ECPAS: variants seen among roughly 807,000 people sequenced by gnomAD.
ECPAS encodes Ecm29 proteasome adaptor and scaffold.
Under a neutral mutation model 255.1 loss-of-function variants are expected in ECPAS, and 70 were observed. That is an observed-to-expected ratio of 0.27 (90% CI 0.23 to 0.33). ECPAS has a LOEUF of 0.33. Among genes scored for constraint, ECPAS ranks in the 10% least tolerant of loss-of-function variants. ECPAS has a pLI of 1.00. For missense variants in ECPAS, 1,817 were observed against 2,206.4 expected (o/e 0.82, Z 3.54); for synonymous variants, 784 against 775.0 (o/e 1.01, Z -0.19).
At chr9:111,484,021 A>C (rs2098311404) in intron 1 of ECPAS, 95 bp downstream of exon 1, 1 of 1,035,172 alleles carries the variant, frequency 9.7e-7, no homozygotes, top group South Asian at 4.4e-5. Flanking sequence ...CCCCGCGCGG[A>C]CTCGACACGC....
intron 20 of ECPAS, among the ~76,000 whole-genome samples, chr9:111,413,518 C>T (rs184072429): frequency 1.3e-5 from 2 of 151,588 alleles, no homozygotes; most frequent in African/African-American, 4.8e-5. Flanking sequence ...ATATGTTTGT[C>T]AGAGGGGAGA....
chr9:111,371,537 T>G, intron 43 of ECPAS, 84 bp downstream of exon 43: 1 of 1,255,530 alleles, frequency 8.0e-7, no homozygotes, highest in African/African-American at 1.5e-5. Context: ...ATTGGAAAAG[T>G]TACACAAAAC....
In ECPAS at chr9:111,393,682, T is replaced by G. The variant is rs1171158175; in HGVS notation, c.2975A>C (p.Asp992Ala). 1 of 1,559,058 alleles carries G rather than the reference T, an allele frequency of 6.4e-7. No individual in the cohort carries two copies. The highest frequency in any genetic ancestry group is 2.2e-5 in the East Asian group (1 of 44,564). ...SAFVSVLSEN[D>A]ELSQDVASKG... ...GAAATCAAATATTAACAACCTACCA[T>G]CATTTTCTGATAGAACTGAAACAAA... is the stretch of plus-strand genomic sequence containing the variant. The change falls in exon 27 of 50, where the codon GAT becomes GCT. Residue 992 changes from aspartate to alanine, a missense_variant and splice_region_variant. Around this residue, in one of 4 missense-constraint regions of ECPAS, gnomAD observed 960 missense variants for 1,179.0 expected, o/e 0.81. Transcript: ENST00000684092.
chr9:111,418,469 A>G (rs1346972873), intron 16 of ECPAS, among the ~76,000 whole-genome samples: 1 of 152,162 alleles, frequency 6.6e-6, no homozygotes, highest in African/African-American at 2.4e-5. Context: ...TATAAACCCA[A>G]CCAATTTCAG....
At chr9:111,373,266 T>C in intron 40 of ECPAS, 30 bp from the exon 41 acceptor site, 2 of 1,613,622 alleles carry the variant, frequency 1.2e-6, no homozygotes, top group African/African-American at 1.3e-5. Flanking sequence ...AAGTATTTCT[T>C]TATAACTGTC....
intron 38 of ECPAS, 76 bp from the exon 39 acceptor site, chr9:111,374,114 C>A: frequency 8.8e-7 from 1 of 1,135,198 alleles, no homozygotes; most frequent in Non-Finnish European, 1.3e-6. Flanking sequence ...GCTTAGGTGC[C>A]AAAAATTTAA....
At chr9:111,400,404 G>GA (rs1186369040) in intron 24 of ECPAS, among the ~76,000 whole-genome samples, 3 of 152,120 alleles carry the variant, frequency 2.0e-5, no homozygotes, top group African/African-American at 4.8e-5. Flanking sequence ...AAACATGTTC[G>GA]AAAAAACATT....
At chr9:111,429,942 T>TTAGTAAGGC (rs71302620) in intron 9 of ECPAS, among the ~76,000 whole-genome samples, 29 of 152,220 alleles carry the variant, frequency 1.9e-4, no homozygotes, top group Non-Finnish European at 2.6e-4. Context: ...AGAACTCACG[T>TTAGTAAGGC]TAGTAAGGCA....
At chr9:111,412,731 T>C (rs1283616192) in intron 20 of ECPAS, among the ~76,000 whole-genome samples, 2 of 152,198 alleles carry the variant, frequency 1.3e-5, no homozygotes, top group Non-Finnish European at 2.9e-5. Flanking sequence ...TCAGTCAATA[T>C]TCATAAGAAA....
chr9:111,458,482 A>G (rs2098269521), intron 2 of ECPAS, among the ~76,000 whole-genome samples: 1 of 152,180 alleles, frequency 6.6e-6, no homozygotes, highest in Non-Finnish European at 1.5e-5. Context: ...ATCACATTTG[A>G]TAACTTACAC....
At chr9:111,413,862 T>C (rs1327401016) in intron 20 of ECPAS, 33 bp downstream of exon 20, 2 of 1,319,594 alleles carry the variant, frequency 1.5e-6, no homozygotes, top group Admixed American at 4.7e-5. Flanking sequence ...TGAAATAGAA[T>C]TTTTTTTAAA....
At chr9:111,450,658 T>C (rs1198608245) in intron 3 of ECPAS, among the ~76,000 whole-genome samples, 2 of 152,212 alleles carry the variant, frequency 1.3e-5, no homozygotes, top group African/African-American at 4.8e-5. Flanking sequence ...CCAGGCACAG[T>C]GGCTCATGCC....
Position 111,472,947 on chromosome 9 carries a change from G to A in ECPAS, c.-29C>T, listed in dbSNP as rs1060932. On this transcript the variant is annotated 5_prime_UTR_variant, in exon 2 of 50. Coordinates refer to ENST00000684092, the MANE Select transcript of ECPAS (RefSeq NM_001364929.1). Reference sequence around the variant, plus strand: ...TTATCCAATCTTGACAAAAATCCTCGGGATCACCAATGGTACGTTCATCCA... The same window carrying A: ...TTATCCAATCTTGACAAAAATCCTCAGGATCACCAATGGTACGTTCATCCA... The A allele has an allele frequency of 1.2e-4, 150 of 1,241,872 alleles. No individual in the cohort carries two copies. Among genetic ancestry groups the A allele is most frequent in the Middle Eastern group, 6.7e-4 (3 of 4,504 alleles). 76.9% of individuals were successfully genotyped at this position (1,241,872 alleles called of 1,614,324 possible). A position where few individuals can be genotyped will look rare whatever the true frequency, so the allele number is the denominator to read the frequency against.
intron 6 of ECPAS, among the ~76,000 whole-genome samples, chr9:111,437,831 A>T (rs1212405426): frequency 6.6e-6 from 1 of 152,160 alleles, no homozygotes; most frequent in African/African-American, 2.4e-5. Context: ...TGATCCAATT[A>T]AACTGGTATT....
intron 24 of ECPAS, among the ~76,000 whole-genome samples, chr9:111,402,325 C>T (rs985694631): frequency 1.3e-5 from 2 of 152,094 alleles, no homozygotes; most frequent in African/African-American, 4.8e-5. Flanking sequence ...TTCACTACCA[C>T]CAGATGTGTC....
At chr9:111,374,988 T>C (rs1212075804) in intron 38 of ECPAS, 125 bp downstream of exon 38, 1 of 686,940 alleles carries the variant, frequency 1.5e-6, no homozygotes, top group African/African-American at 1.8e-5. Context: ...ACCACAGAAA[T>C]AAAATGGTTA....
chr9:111,430,556 C>T lies in ECPAS; in HGVS notation c.921G>A (p.Lys307=), dbSNP rs1208515117. ...AATCAAAACAACCTACCTCTTTTGT[C>T]TTCAGTGGTATATCTCCAAGGTACA... is the stretch of plus-strand genomic sequence containing the variant. ...YKVYLGDIPL[K]TKEGAVLKPE... The change falls in exon 9 of 50, where the codon AAG becomes AAA. Residue 307 remains lysine (K), a synonymous_variant. Transcript: ENST00000684092. The T allele has an allele frequency of 6.3e-7, 1 of 1,588,628 alleles. No homozygotes were observed. Among genetic ancestry groups the T allele is most frequent in the African/African-American group, 1.3e-5 (1 of 74,628 alleles).
At chr9:111,416,703 C>T (rs1284444935) in intron 17 of ECPAS, among the ~76,000 whole-genome samples, 1 of 152,166 alleles carries the variant, frequency 6.6e-6, no homozygotes, top group Non-Finnish European at 1.5e-5. Context: ...CACAAATAGA[C>T]TGTGCTGCTA....
At chr9:111,442,514 G>T in intron 4 of ECPAS, 90 bp from the exon 5 acceptor site, 1 of 830,230 alleles carries the variant, frequency 1.2e-6, no homozygotes, top group Non-Finnish European at 1.9e-6. Context: ...GAGAGTTATG[G>T]TTACAACAAA....
Sources: allele counts gnomAD v4.1 joint callset (sites outside exome capture counted in the v4.1 genomes callset), GRCh38; gene constraint gnomAD v4.1.1; regional missense constraint gnomAD v4.1.1; transcripts MANE v1.5; gene names NCBI Gene and HGNC (gene_info 2026-07-23, HGNC 2026-07-21).